The following POC1B variants were observed in gnomAD, a reference collection of about 807,000 sequenced individuals.
POC1B encodes the protein POC1 centriolar protein B, also known as POC1 centriolar protein homolog B.
POC1B carries 44 observed loss-of-function variants against 60.6 expected under a neutral mutation model. The observed-to-expected ratio is 0.73, with a 90% CI of 0.57 to 0.93. The LOEUF (loss-of-function observed/expected upper bound fraction) is 0.93, where lower values mean the gene tolerates loss of function less well. Ranked by LOEUF, POC1B falls within the 40% of genes least tolerant of loss-of-function variation. POC1B has a pLI of 0.00. For missense variants in POC1B, 555 were observed against 572.3 expected, an observed-to-expected ratio of 0.97 and a Z score of 0.31; for synonymous variants, 180 against 198.9, an observed-to-expected ratio of 0.90 and a Z score of 0.80.
At chr12:89,462,635 C>A (rs1260839840) in intron 9 of POC1B, among the ~76,000 whole-genome samples, 1 of 152,162 alleles carries the variant, frequency 6.6e-6, no homozygotes, top group Non-Finnish European at 1.5e-5. Flanking sequence ...ACTTTAATAT[C>A]TGTTAACAGG....
intron 10 of POC1B, among the ~76,000 whole-genome samples, chr12:89,441,082 T>G (rs936568520): frequency 1.3e-5 from 2 of 152,192 alleles, no homozygotes; most frequent in African/African-American, 4.8e-5. Context: ...CGTCTGCCAT[T>G]GCTGAGGCTT....
At chr12:89,403,378 C>A in the POC1B span, among the ~76,000 whole-genome samples, 1 of 152,120 alleles carries the variant, frequency 6.6e-6, no homozygotes, top group African/African-American at 2.4e-5. Flanking sequence ...GCTGAGAAAT[C>A]TCTTCAACGT....
intron 2 of POC1B, among the ~76,000 whole-genome samples, chr12:89,505,425 CAAGTAA>C (rs1310943626): frequency 1.3e-5 from 2 of 152,270 alleles, no homozygotes; most frequent in Non-Finnish European, 2.9e-5. Context: ...CCCAACTATC[CAAGTAA>C]AATGAATACA....
chr12:89,480,846 C>T (rs974762475), intron 4 of POC1B, among the ~76,000 whole-genome samples: 4 of 152,122 alleles, frequency 2.6e-5, no homozygotes, highest in African/African-American at 7.2e-5. Context: ...GTGATCTGCC[C>T]GCCTTGGCCT....
chr12:89,471,583 TA>T (rs1204064341), intron 6 of POC1B, 30 bp downstream of exon 6: 5 of 1,528,146 alleles, frequency 3.3e-6, no homozygotes, highest in Non-Finnish European at 4.5e-6. Flanking sequence ...GTCCATTCGG[TA>T]ACTGAATTTT....
At chr12:89,501,436 C>T in intron 2 of POC1B, 1 of 947,706 alleles carries the variant, frequency 1.1e-6, no homozygotes, top group Non-Finnish European at 1.7e-6. Flanking sequence ...TGAAAACATA[C>T]ATATGTCACA....
chr12:89,445,868 G>A (rs377732095), intron 10 of POC1B, among the ~76,000 whole-genome samples: 43 of 152,060 alleles, frequency 2.8e-4, no homozygotes, highest in African/African-American at 7.0e-4. Context: ...TCTGAGAAAC[G>A]GCTAATATCC....
intron 10 of POC1B, 80 bp from the exon 11 acceptor site, chr12:89,425,459 T>C: frequency 1.7e-6 from 2 of 1,145,450 alleles, no homozygotes; most frequent in Non-Finnish European, 2.4e-6. Flanking sequence ...AAAATATTCC[T>C]CTTCTAAAAA....
intron 2 of POC1B, among the ~76,000 whole-genome samples, chr12:89,518,463 T>C (rs1338155704): frequency 6.6e-6 from 1 of 152,244 alleles, no homozygotes; most frequent in Non-Finnish European, 1.5e-5. Context: ...AAATCTTTTC[T>C]GAGACACCTG....
Position 89,467,704 on chromosome 12 carries a change from TAAAG to T in POC1B, c.811-23_811-20del. On this transcript the variant is annotated intron_variant, in intron 7 of 11. Coordinates refer to ENST00000313546, the MANE Select transcript of POC1B (RefSeq NM_172240.3). Reference sequence around the variant, plus strand: ...CAGGTCCCTGAGAAATAAAGGGAAATAAAGAAAAAAAGTACTTGGTAATGCTTTC... The same window carrying T: ...CAGGTCCCTGAGAAATAAAGGGAAATAAAAAAAGTACTTGGTAATGCTTTC... 1 of 1,587,874 alleles carries T rather than the reference TAAAG, an allele frequency of 6.3e-7. No individual in the cohort carries two copies. Among genetic ancestry groups the T allele is most frequent in the Non-Finnish European group, 8.6e-7 (1 of 1,160,644 alleles).
the POC1B span, among the ~76,000 whole-genome samples, chr12:89,412,591 C>T: frequency 1.3e-5 from 2 of 151,302 alleles, no homozygotes; most frequent in African/African-American, 2.4e-5. Context: ...CAGAAGAATC[C>T]GCTTGAACCC....
At chr12:89,454,654 G>A (rs1225615752) in intron 10 of POC1B, among the ~76,000 whole-genome samples, 5 of 151,988 alleles carry the variant, frequency 3.3e-5, no homozygotes, top group Admixed American at 1.3e-4. Flanking sequence ...CCCCTGTCAC[G>A]TGACTCTTGT....
At chr12:89,417,892 T>C (rs1880389815), downstream of POC1B, among the ~76,000 whole-genome samples, 1 of 152,228 alleles carries the variant, frequency 6.6e-6, no homozygotes, top group South Asian at 2.1e-4. Context: ...GAATTAATCA[T>C]AGCTGAGAAG....
At chr12:89,452,812 C>T (rs184446123) in intron 10 of POC1B, among the ~76,000 whole-genome samples, 45 of 152,100 alleles carry the variant, frequency 3.0e-4, no homozygotes, top group African/African-American at 1.0e-3. Context: ...AACCACGTTC[C>T]TTTAACAAAC....
At chr12:89,470,882 C>T (rs750087661) in intron 6 of POC1B, among the ~76,000 whole-genome samples, 12 of 152,124 alleles carry the variant, frequency 7.9e-5, no homozygotes, top group Non-Finnish European at 1.0e-4. Context: ...CAGTTTGAAA[C>T]GGGCACAGTC....
At chr12:89,506,231 T>A (rs746013390) in intron 2 of POC1B, among the ~76,000 whole-genome samples, 2 of 152,256 alleles carry the variant, frequency 1.3e-5, no homozygotes, top group Non-Finnish European at 2.9e-5. Context: ...ATGCTGTCAC[T>A]TACTGCTGTG....
At chr12:89,478,232 C>T (rs1319600167) in intron 4 of POC1B, among the ~76,000 whole-genome samples, 1 of 152,188 alleles carries the variant, frequency 6.6e-6, no homozygotes. Context: ...GCCTCAGCTA[C>T]CCTGCTTCCC....
At chr12:89,493,949 T>G (rs578217818) in intron 3 of POC1B, among the ~76,000 whole-genome samples, 38 of 152,352 alleles carry the variant, frequency 2.5e-4, no homozygotes, top group African/African-American at 8.7e-4. Context: ...CCTACATATT[T>G]ACTTGCCCTT....
rs1255319543 is a variant in POC1B at position 89,420,602 on chromosome 12, TG to T, written c.*550del. 2 of 152,358 alleles carry T rather than the reference TG, an allele frequency of 1.3e-5. No homozygotes were observed. Among genetic ancestry groups the T allele is most frequent in the African/African-American group, 4.8e-5 (2 of 41,480 alleles). The allele number at this position is 152,358 out of a possible 1,614,324, so 9.4% of individuals were successfully genotyped here. A position where few individuals can be genotyped will look rare whatever the true frequency, so the allele number is the denominator to read the frequency against. On this transcript the variant is annotated 3_prime_UTR_variant, in exon 12 of 12. Coordinates refer to ENST00000313546, the MANE Select transcript of POC1B (RefSeq NM_172240.3). Reference sequence around the variant, plus strand: ...AATTAAAATAAGTGTATTCTTGCTGTGGAAATTCTGTGGTCTGGGAATTTTT... The same window carrying T: ...AATTAAAATAAGTGTATTCTTGCTGTGAAATTCTGTGGTCTGGGAATTTTT...
Sources: allele counts gnomAD v4.1 joint callset (sites outside exome capture counted in the v4.1 genomes callset), GRCh38; gene constraint gnomAD v4.1.1; transcripts MANE v1.5; gene names NCBI Gene and HGNC (gene_info 2026-07-23, HGNC 2026-07-21).